Variants in DLGAP2 observed in about 807,000 individuals in gnomAD.
DLGAP2 encodes disks large-associated protein 2.
A neutral mutation model predicts 100.3 loss-of-function variants in DLGAP2; 26 were observed. The ratio of observed to expected loss-of-function variants is 0.26; its 90% confidence interval spans 0.19 to 0.36. The LOEUF (loss-of-function observed/expected upper bound fraction) is 0.36, where lower values mean the gene tolerates loss of function less well. Among genes scored for constraint, DLGAP2 ranks in the 10% least tolerant of loss-of-function variants. The pLI is 1.00. For synonymous variants in DLGAP2, 886 were observed against 630.1 expected (o/e 1.41, Z -6.08); for missense variants, 1,858 against 1,453.2 (o/e 1.28, Z -4.53).
intron 2 of DLGAP2, among the ~76,000 whole-genome samples, chr8:918,434 A>G (rs1383055974): frequency 2.0e-5 from 3 of 152,312 alleles, no homozygotes; most frequent in South Asian, 2.1e-4. Context: ...GTTTAGTTCT[A>G]GACTGTTTTC....
At chr8:853,497 G>A (rs188520121) in intron 1 of DLGAP2, among the ~76,000 whole-genome samples, 5 of 152,214 alleles carry the variant, frequency 3.3e-5, no homozygotes, top group African/African-American at 9.7e-5. Flanking sequence ...CCCCTCATCA[G>A]TTAGGGAATG....
At chr8:1,288,704 TG>T (rs1799993740) in intron 3 of DLGAP2, among the ~76,000 whole-genome samples, 1 of 148,888 alleles carries the variant, frequency 6.7e-6, no homozygotes, top group African/African-American at 2.5e-5. Context: ...TGTGTGGTTC[TG>T]TTAGGGGAAC....
intron 2 of DLGAP2, among the ~76,000 whole-genome samples, chr8:1,161,512 C>T (rs180876366): frequency 3.3e-5 from 5 of 152,214 alleles, no homozygotes; most frequent in South Asian, 4.2e-4. Flanking sequence ...GTGTGGGGGC[C>T]GGCACAGGGA....
chr8:1,328,945 C>T (rs1801085809), intron 3 of DLGAP2, among the ~76,000 whole-genome samples: 1 of 152,246 alleles, frequency 6.6e-6, no homozygotes, highest in African/African-American at 2.4e-5. Flanking sequence ...GCAGCACTAA[C>T]ACTCTGAGTA....
At chr8:1,261,574 G>C (rs1038033297) in intron 3 of DLGAP2, among the ~76,000 whole-genome samples, 1 of 150,106 alleles carries the variant, frequency 6.7e-6, no homozygotes, top group East Asian at 2.0e-4. Flanking sequence ...AGGGGGGGCT[G>C]GGCAGTGGGG....
At chr8:1,452,892 C>T (rs529231790) in intron 3 of DLGAP2, among the ~76,000 whole-genome samples, 36 of 152,108 alleles carry the variant, frequency 2.4e-4, no homozygotes, top group Non-Finnish European at 4.7e-4. Context: ...AGGGGGGTGG[C>T]CAGGTCTATT....
At chr8:1,502,192 C>G (rs1799745632) in intron 4 of DLGAP2, among the ~76,000 whole-genome samples, 1 of 152,222 alleles carries the variant, frequency 6.6e-6, no homozygotes. Flanking sequence ...TGGTTATTCT[C>G]TAACCTAAAA....
At chr8:748,347 C>T (rs932335443) in intron 1 of DLGAP2, among the ~76,000 whole-genome samples, 1 of 151,974 alleles carries the variant, frequency 6.6e-6, no homozygotes, top group African/African-American at 2.4e-5. Context: ...TGCTTTCTGT[C>T]TCTGTCTCGC....
At position 933,095 on chromosome 8, in the gene DLGAP2, G is replaced by A. The variant is rs532252223; in HGVS notation, c.73+25129G>A. Reference sequence around the variant, plus strand: ...ATACCTTCCGATCCTGTCCCCGTCCGTTCCTGCAGAACCCTGCACAGTGGC... The same window carrying A: ...ATACCTTCCGATCCTGTCCCCGTCCATTCCTGCAGAACCCTGCACAGTGGC... On this transcript the variant is annotated intron_variant, in intron 2 of 14. Coordinates refer to ENST00000637795, the MANE Select transcript of DLGAP2 (RefSeq NM_001346810.2). Among the ~76,000 whole-genome samples, 15 of 152,352 alleles carry A rather than the reference G, an allele frequency of 9.8e-5. No homozygotes were observed. The East Asian group carries it at 1.2e-3, about 12-fold the overall frequency.
chr8:1,460,563 G>A (rs1363808963), intron 3 of DLGAP2, among the ~76,000 whole-genome samples: 2 of 152,156 alleles, frequency 1.3e-5, no homozygotes, highest in African/African-American at 4.8e-5. Context: ...TGACTCGACG[G>A]TCTCTTCACT....
chr8:825,158 C>G (rs1796663096), intron 1 of DLGAP2, among the ~76,000 whole-genome samples: 1 of 152,186 alleles, frequency 6.6e-6, no homozygotes, highest in Non-Finnish European at 1.5e-5. Flanking sequence ...AATGACCCCA[C>G]AGAACCATCT....
chr8:1,593,428 C>T (rs998928965), intron 6 of DLGAP2, among the ~76,000 whole-genome samples: 1 of 151,846 alleles, frequency 6.6e-6, no homozygotes, highest in African/African-American at 2.4e-5. Flanking sequence ...GCACTCCAGC[C>T]TGGGCGACAA....
intron 3 of DLGAP2, among the ~76,000 whole-genome samples, chr8:1,313,230 G>A (rs934444679): frequency 6.6e-5 from 10 of 152,292 alleles, no homozygotes; most frequent in African/African-American, 1.9e-4. Context: ...GGGGTGCAGC[G>A]TTTCTCAGTC....
At chr8:1,214,661 G>T (rs568789522) in intron 2 of DLGAP2, among the ~76,000 whole-genome samples, 4 of 152,320 alleles carry the variant, frequency 2.6e-5, no homozygotes, top group African/African-American at 9.6e-5. Flanking sequence ...AGGCTCTGAG[G>T]TCCTTTTTAA....
chr8:1,146,102 C>G (rs1796601307), intron 2 of DLGAP2, among the ~76,000 whole-genome samples: 1 of 152,182 alleles, frequency 6.6e-6, no homozygotes, highest in Non-Finnish European at 1.5e-5. Context: ...AACCCACACA[C>G]CCACTGCCAG....
chr8:1,000,797 G>C (rs540116745), intron 2 of DLGAP2, among the ~76,000 whole-genome samples: 1 of 152,274 alleles, frequency 6.6e-6, no homozygotes, highest in African/African-American at 2.4e-5. Flanking sequence ...GGCTCCTCAA[G>C]ACTCCAAGCA....
At chr8:790,732 T>A (rs75796568) in intron 1 of DLGAP2, among the ~76,000 whole-genome samples, 1 of 152,228 alleles carries the variant, frequency 6.6e-6, no homozygotes, top group African/African-American at 2.4e-5. Flanking sequence ...TTCACCTTCA[T>A]GTGAAAAGAT....
At chr8:1,315,111 T>G (rs1800701953) in intron 3 of DLGAP2, among the ~76,000 whole-genome samples, 4 of 152,372 alleles carry the variant, frequency 2.6e-5, no homozygotes, top group African/African-American at 9.6e-5. Flanking sequence ...TAGAACCGTA[T>G]TTAGTAAGTA....
chr8:1,234,650 T>C (rs577563579), intron 2 of DLGAP2, among the ~76,000 whole-genome samples: 35 of 152,296 alleles, frequency 2.3e-4, no homozygotes, highest in Admixed American at 6.5e-4. Flanking sequence ...ATCCCGTCTC[T>C]GGAACAGATC....
Sources: gnomAD v4.1 joint callset for allele counts (sites outside exome capture counted in the v4.1 genomes callset) on GRCh38, gnomAD v4.1.1 for gene constraint, MANE v1.5 for transcripts, NCBI Gene and HGNC (gene_info 2026-07-23, HGNC 2026-07-21) for gene names.